The following SPAG16 variants were observed in gnomAD, a reference collection of about 807,000 sequenced individuals.
The protein encoded by SPAG16 is sperm associated antigen 16, also known as sperm-associated antigen 16 protein.
SPAG16 carries 86 observed loss-of-function variants against 80.4 expected under a neutral mutation model. The observed-to-expected ratio is 1.07, with a 90% CI of 0.90 to 1.28. The LOEUF is 1.28. Among genes scored for constraint, SPAG16 ranks in the 50% most tolerant of loss-of-function variants. The pLI, the probability that SPAG16 is intolerant of heterozygous loss-of-function variation, is 0.00. For synonymous variants in SPAG16, 294 were observed against 265.9 expected (o/e 1.11, Z -1.03); for missense variants, 870 against 765.3 (o/e 1.14, Z -1.61).
At chr2:214,280,092 TAGC>T (rs969914893) in intron 15 of SPAG16, among the ~76,000 whole-genome samples, 5 of 152,076 alleles carry the variant, frequency 3.3e-5, no homozygotes, top group African/African-American at 1.2e-4. Context: ...TAACTCAACA[TAGC>T]AGAAAGGAAA....
chr2:213,305,388 C>G (rs1391508420), intron 3 of SPAG16, among the ~76,000 whole-genome samples: 4 of 152,048 alleles, frequency 2.6e-5, no homozygotes, highest in Non-Finnish European at 4.4e-5. Context: ...ACTTCCAGTA[C>G]TATGTTGAAT....
chr2:214,206,556 A>G (rs1305669339), intron 15 of SPAG16, among the ~76,000 whole-genome samples: 2 of 152,200 alleles, frequency 1.3e-5, no homozygotes, highest in Non-Finnish European at 2.9e-5. Flanking sequence ...TATCTTAGCT[A>G]TAGTGAATAA....
At chr2:214,303,357 G>A (rs1447559814) in intron 15 of SPAG16, among the ~76,000 whole-genome samples, 1 of 152,164 alleles carries the variant, frequency 6.6e-6, no homozygotes, top group East Asian at 1.9e-4. Flanking sequence ...ATCTGGGAAA[G>A]ACTTTATTTC....
chr2:213,944,475 A>G (rs978714926), intron 12 of SPAG16, among the ~76,000 whole-genome samples: 1 of 152,218 alleles, frequency 6.6e-6, no homozygotes, highest in African/African-American at 2.4e-5. Context: ...TTGGAAGTAC[A>G]TAACTTAACG....
At chr2:213,853,906 T>C (rs1016587076) in intron 10 of SPAG16, among the ~76,000 whole-genome samples, 1 of 152,186 alleles carries the variant, frequency 6.6e-6, no homozygotes, top group Non-Finnish European at 1.5e-5. Flanking sequence ...GGTATCCTGC[T>C]ATCTTCAGCT....
At chr2:213,318,625 C>T (rs2063498191) in intron 5 of SPAG16, among the ~76,000 whole-genome samples, 1 of 151,662 alleles carries the variant, frequency 6.6e-6, no homozygotes, top group South Asian at 2.1e-4. Flanking sequence ...ACTTTTACCC[C>T]TTAATCTATA....
intron 13 of SPAG16, among the ~76,000 whole-genome samples, chr2:214,084,855 A>G (rs929491681): frequency 1.3e-5 from 2 of 152,248 alleles, no homozygotes; most frequent in African/African-American, 4.8e-5. Context: ...CCTGGGGATT[A>G]CAAAGCAGAA....
chr2:213,307,408 A>C (rs1207851181), intron 3 of SPAG16, among the ~76,000 whole-genome samples: 10 of 129,900 alleles, frequency 7.7e-5, no homozygotes. Context: ...TCCTGTGTCC[A>C]TGTGTTCTCA....
intron 9 of SPAG16, among the ~76,000 whole-genome samples, chr2:213,469,088 C>A (rs988194390): frequency 2.0e-5 from 3 of 152,142 alleles, no homozygotes; most frequent in African/African-American, 4.8e-5. Flanking sequence ...CACAGACACA[C>A]CCAGGATCAA....
chr2:213,949,821 T>G (rs1373833405), intron 12 of SPAG16, among the ~76,000 whole-genome samples: 1 of 152,226 alleles, frequency 6.6e-6, no homozygotes, highest in Admixed American at 6.5e-5. Context: ...TAAGGAATTG[T>G]GAAGCAGAAT....
intron 10 of SPAG16, among the ~76,000 whole-genome samples, chr2:213,540,427 A>C (rs775013223): frequency 1.3e-5 from 2 of 152,194 alleles, no homozygotes; most frequent in Non-Finnish European, 2.9e-5. Context: ...GAACTTGGGA[A>C]TATCAGTGTG....
intron 12 of SPAG16, among the ~76,000 whole-genome samples, chr2:213,964,632 CT>C (rs1414400690): frequency 6.6e-6 from 1 of 152,092 alleles, no homozygotes; most frequent in Non-Finnish European, 1.5e-5. Context: ...TAAGTCTGCT[CT>C]TTTGCTACTT....
chr2:214,257,269 T>C (rs1399935304), intron 15 of SPAG16, among the ~76,000 whole-genome samples: 1 of 152,016 alleles, frequency 6.6e-6, no homozygotes, highest in Admixed American at 6.6e-5. Context: ...CACTTATTAA[T>C]CATAGTAGTT....
chr2:213,947,768 G>T (rs563526233), intron 12 of SPAG16, among the ~76,000 whole-genome samples: 2 of 152,210 alleles, frequency 1.3e-5, no homozygotes, highest in South Asian at 4.1e-4. Flanking sequence ...ATGTGGATCT[G>T]TTTCTGGTTC....
intron 1 of SPAG16, among the ~76,000 whole-genome samples, chr2:213,292,932 T>C (rs1016390331): frequency 1.3e-5 from 2 of 152,280 alleles, no homozygotes; most frequent in East Asian, 1.9e-4. Context: ...AACATTCTTA[T>C]AGTATGGAAG....
At chr2:213,963,012 A>C (rs954128730) in intron 12 of SPAG16, among the ~76,000 whole-genome samples, 2 of 144,208 alleles carry the variant, frequency 1.4e-5, no homozygotes, top group Admixed American at 6.9e-5. Context: ...GATTTTTTCT[A>C]TTGTTTTTAT....
chr2:213,405,493 C>A (rs910743567), intron 9 of SPAG16, among the ~76,000 whole-genome samples: 1 of 152,120 alleles, frequency 6.6e-6, no homozygotes, highest in Admixed American at 6.5e-5. Flanking sequence ...TCCAAATATT[C>A]TTTTCTGGTT....
chr2:214,137,941 A>C (rs2055149399), intron 14 of SPAG16, among the ~76,000 whole-genome samples: 1 of 152,088 alleles, frequency 6.6e-6, no homozygotes, highest in South Asian at 2.1e-4. Flanking sequence ...AGGACATGTT[A>C]ATTAAAAAAC....
At chr2:213,906,124 C>T (rs2077421843) in intron 11 of SPAG16, among the ~76,000 whole-genome samples, 1 of 151,896 alleles carries the variant, frequency 6.6e-6, no homozygotes, top group Non-Finnish European at 1.5e-5. Flanking sequence ...TTAACCTTCC[C>T]CACTCTATGT....
Sources: gnomAD v4.1 joint callset for allele counts (sites outside exome capture counted in the v4.1 genomes callset) on GRCh38, gnomAD v4.1.1 for gene constraint, MANE v1.5 for transcripts, NCBI Gene and HGNC (gene_info 2026-07-23, HGNC 2026-07-21) for gene names.